The following PABPC4 variants were observed in gnomAD, a reference collection of about 807,000 sequenced individuals.
PABPC4 encodes polyadenylate-binding protein 4.
A neutral mutation model predicts 74.5 loss-of-function variants in PABPC4; 15 were observed. The observed-to-expected ratio is 0.20, with a 90% CI of 0.13 to 0.31. The LOEUF (loss-of-function observed/expected upper bound fraction) is 0.31. PABPC4 is among the 10% of genes least tolerant of loss of function. The pLI, the probability that PABPC4 is intolerant of heterozygous loss-of-function variation, is 1.00. For synonymous variants in PABPC4, 345 were observed against 303.0 expected (o/e 1.14, Z -1.44); for missense variants, 610 against 853.5 (o/e 0.71, Z 3.55).
In PABPC4 at chr1:39,562,343, T is replaced by C; in HGVS notation, c.1742A>G (p.Gln581Arg). 1 of 1,613,766 alleles carries C rather than the reference T, an allele frequency of 6.2e-7. No homozygotes were observed. The highest frequency in any genetic ancestry group is 8.5e-7 in the Non-Finnish European group (1 of 1,179,856). The change falls in exon 13 of 16, where the codon CAG (glutamine) becomes CGG (arginine). Residue 581 changes from glutamine to arginine, a missense_variant. Gln to Arg is a conservative substitution (Grantham distance 43, BLOSUM62 1). This residue lies in a region of PABPC4 where 277 missense variants were observed against 301.8 expected (regional missense o/e 0.92). Coordinates refer to ENST00000372858, the MANE Select transcript of PABPC4 (RefSeq NM_001135653.2). ...TASMLAAAPP[Q>R]EQKQMLGERL... ...CTCACCCAGCATCTGCTTCTGTTCC[T>C]GGGGGGGTGCTGCAGCCAGCATGGA...
intron 7 of PABPC4, among the ~76,000 whole-genome samples, chr1:39,566,666 G>A (rs1645848465): frequency 6.6e-6 from 1 of 152,158 alleles, no homozygotes; most frequent in African/African-American, 2.4e-5. Context: ...AATGAGATGG[G>A]CCAGTAAGGT....
At chr1:39,567,569 A>G in intron 7 of PABPC4, 182 bp downstream of exon 7, 1 of 694,584 alleles carries the variant, frequency 1.4e-6, no homozygotes, top group South Asian at 1.4e-5. Flanking sequence ...CTTGGGAAAC[A>G]GTGTAATGTT....
chr1:39,571,744 G>T (rs933633887), intron 2 of PABPC4: 1 of 388,156 alleles, frequency 2.6e-6, no homozygotes, highest in East Asian at 7.2e-5. Flanking sequence ...GTGGTGGCAC[G>T]TGCCTGTAGT....
intron 4 of PABPC4, 39 bp downstream of exon 4, chr1:39,569,824 C>T: frequency 6.2e-7 from 1 of 1,611,284 alleles, no homozygotes; most frequent in South Asian, 1.1e-5. Context: ...ACAGATGGGT[C>T]TGGTAGACTG....
Position 39,576,590 on chromosome 1 carries a change from C to G in PABPC4, c.-639G>C, listed in dbSNP as rs1439801946. ...GACGGAGACCGACGGACGCCAAGCG[C>G]TGCGGCGGCGGGCGCGGGGCAGGCC... On this transcript the variant is annotated 5_prime_UTR_variant, in exon 1 of 16. Transcript: ENST00000372858. The G allele has an allele frequency of 1.3e-5, 2 of 149,364 alleles. No homozygotes were observed. Among genetic ancestry groups the G allele is most frequent in the African/African-American group, 2.4e-5 (1 of 41,000 alleles). The allele number at this position is 149,364 out of a possible 1,614,324, so 9.3% of individuals were successfully genotyped here.
At chr1:39,561,955 TGAC>T in intron 14 of PABPC4, 115 bp downstream of exon 14, 1 of 1,272,908 alleles carries the variant, frequency 7.9e-7, no homozygotes, top group Non-Finnish European at 1.1e-6. Context: ...AGTCAAGGCA[TGAC>T]GAGAGGGGTC....
chr1:39,562,906 T>A (rs1172058481), intron 12 of PABPC4: 1 of 153,670 alleles, frequency 6.5e-6, no homozygotes, highest in East Asian at 1.9e-4. Context: ...TGTTTTTGTA[T>A]CAAATGCTTA....
intron 15 of PABPC4, 25 bp from the exon 16 acceptor site, chr1:39,561,147 A>T (rs1191095527): frequency 4.2e-6 from 2 of 470,602 alleles, no homozygotes. Flanking sequence ...ACCAACACAA[A>T]TAAATGCATA....
chr1:39,563,254 T>G lies in PABPC4; in HGVS notation c.1668+360A>C, dbSNP rs1463068579. On this transcript the variant is annotated intron_variant, in intron 12 of 15. Coordinates refer to ENST00000372858, the MANE Select transcript of PABPC4 (RefSeq NM_001135653.2). ...ATCCGATCTGTAAGTTGAAGTTATT[T>G]CCTGCATTAATGTACCAATCATCTT... The G allele has an allele frequency of 1.4e-5, 3 of 216,774 alleles. No homozygotes were observed. The East Asian group carries it at 3.7e-4, about 27-fold the overall frequency. The allele number at this position is 216,774 out of a possible 1,614,324, so 13.4% of individuals were successfully genotyped here.
intron 5 of PABPC4, 198 bp downstream of exon 5, chr1:39,569,397 G>A (rs945184364): frequency 1.7e-6 from 1 of 594,238 alleles, no homozygotes; most frequent in Non-Finnish European, 3.0e-6. Context: ...TGAGGTGACA[G>A]GTATGTGCCA....
At chr1:39,570,392 C>T (rs768852109) in intron 3 of PABPC4, 7 of 181,076 alleles carry the variant, frequency 3.9e-5, no homozygotes, top group Admixed American at 2.9e-4. Context: ...TGAAGGGGCA[C>T]CCTTTGCTTT....
chr1:39,574,008 G>C (rs1027622435), intron 1 of PABPC4, among the ~76,000 whole-genome samples: 7 of 152,194 alleles, frequency 4.6e-5, no homozygotes, highest in Non-Finnish European at 1.0e-4. Context: ...GACAGGGTCA[G>C]AGCAGTGGAA....
At chr1:39,574,480 A>G (rs1386742801) in intron 1 of PABPC4, among the ~76,000 whole-genome samples, 16 of 152,188 alleles carry the variant, frequency 1.1e-4, no homozygotes, top group Non-Finnish European at 2.1e-4. Flanking sequence ...TGCTATCTCT[A>G]AGTGACACGA....
At chr1:39,564,638 C>T (rs753076815) in intron 9 of PABPC4, 48 bp downstream of exon 9, 2 of 1,609,782 alleles carry the variant, frequency 1.2e-6, no homozygotes, top group Non-Finnish European at 8.5e-7. Context: ...CAGGGGAGAC[C>T]AGGACAGGTA....
In PABPC4 at chr1:39,576,182, C is replaced by A; in HGVS notation, c.-231G>T. On this transcript the variant is annotated 5_prime_UTR_variant, in exon 1 of 16. Coordinates refer to ENST00000372858, the MANE Select transcript of PABPC4 (RefSeq NM_001135653.2). ...CAAAAGGCTCTCCGCACAATACGGC[C>A]CTCCCCGCGACTTTGCACTTCTCCG... 1 of 435,420 alleles carries A rather than the reference C, an allele frequency of 2.3e-6. No individual in the cohort carries two copies. The highest frequency in any genetic ancestry group is 4.1e-6 in the Non-Finnish European group (1 of 246,442). 27.0% of individuals were successfully genotyped at this position (435,420 alleles called of 1,614,324 possible).
intron 15 of PABPC4, 25 bp downstream of exon 15, chr1:39,561,660 C>A (rs200367192): frequency 6.5e-7 from 1 of 1,540,588 alleles, no homozygotes; most frequent in Non-Finnish European, 9.0e-7. Context: ...CTCATAGGAA[C>A]AAAAATGAAA....
chr1:39,568,652 G>C, intron 6 of PABPC4, 150 bp downstream of exon 6: 1 of 702,288 alleles, frequency 1.4e-6, no homozygotes. Context: ...TATGTAGTAG[G>C]TATATATCCT....
chr1:39,562,467 G>A, intron 12 of PABPC4, 51 bp from the exon 13 acceptor site: 1 of 1,325,452 alleles, frequency 7.5e-7, no homozygotes, highest in Non-Finnish European at 1.1e-6. Context: ...GACAACACCT[G>A]ATGGTGGTTG....
At chr1:39,563,276 T>C (rs549061844) in intron 12 of PABPC4, 1 of 257,994 alleles carries the variant, frequency 3.9e-6, no homozygotes, top group Admixed American at 5.1e-5. Flanking sequence ...GTACCAATCA[T>C]CTTGCAGAGC....
Sources: gnomAD v4.1 joint callset for allele counts (sites outside exome capture counted in the v4.1 genomes callset) on GRCh38, gnomAD v4.1.1 for gene constraint, gnomAD v4.1.1 regional missense constraint, MANE v1.5 for transcripts, NCBI Gene and HGNC (gene_info 2026-07-23, HGNC 2026-07-21) for gene names.